RNF43: variants seen among roughly 807,000 people sequenced by gnomAD.
RNF43 encodes the protein ring finger protein 43.
Under a neutral mutation model 78.4 loss-of-function variants are expected in RNF43, and 37 were observed. The observed-to-expected ratio is 0.47, with a 90% CI of 0.36 to 0.62. RNF43 has a LOEUF of 0.62. Among genes scored for constraint, RNF43 ranks in the 20% least tolerant of loss-of-function variants. The pLI is 0.00. For missense variants in RNF43, 774 were observed against 1,007.9 expected, an observed-to-expected ratio of 0.77 and a Z score of 3.14; for synonymous variants, 347 against 395.0, an observed-to-expected ratio of 0.88 and a Z score of 1.44.
chr17:58,389,463 G>T (rs1193100315), intron 2 of RNF43, among the ~76,000 whole-genome samples: 3 of 152,182 alleles, frequency 2.0e-5, no homozygotes, highest in Non-Finnish European at 2.9e-5. Context: ...TGAGTGACAA[G>T]CCTTCTGAAA....
intron 9 of RNF43, among the ~76,000 whole-genome samples, chr17:58,355,763 G>A (rs1482536642): frequency 6.6e-6 from 1 of 152,210 alleles, no homozygotes; most frequent in Non-Finnish European, 1.5e-5. Context: ...GAGGGTAGGT[G>A]AGCAGTGGAG....
intron 2 of RNF43, among the ~76,000 whole-genome samples, chr17:58,377,820 G>A (rs1033781399): frequency 6.6e-6 from 1 of 151,958 alleles, no homozygotes; most frequent in African/African-American, 2.4e-5. Context: ...AAGAACATTG[G>A]CCAGGCATCA....
At chr17:58,368,448 T>C (rs1973000741) in intron 3 of RNF43, among the ~76,000 whole-genome samples, 1 of 152,098 alleles carries the variant, frequency 6.6e-6, no homozygotes, top group Non-Finnish European at 1.5e-5. Flanking sequence ...CTTGGGAGGC[T>C]GAGGTAGAGA....
chr17:58,408,653 G>GT lies in RNF43; in HGVS notation c.252+6672dup, dbSNP rs575838213. On this transcript the variant is annotated intron_variant, in intron 2 of 9. Coordinates refer to ENST00000407977, the MANE Select transcript of RNF43 (RefSeq NM_017763.6). ...GAAATAACAACACACGAGGCTGTTG[G>GT]TAAGTCAGAAGAGTAAAGGAACATA... is the stretch of plus-strand genomic sequence containing the variant. Among the ~76,000 whole-genome samples the GT allele has an allele frequency of 3.3e-5, 5 of 152,260 alleles. No homozygotes were observed. In the South Asian group the frequency reaches 1.0e-3, roughly 32 times the overall value.
chr17:58,378,207 G>T (rs1221598399), intron 2 of RNF43, among the ~76,000 whole-genome samples: 1 of 152,206 alleles, frequency 6.6e-6, no homozygotes, highest in Non-Finnish European at 1.5e-5. Context: ...CACGAATCAA[G>T]TTGGGAGGCT....
Position 58,367,723 on chromosome 17 carries a change from T to C in RNF43, c.375+3188A>G, listed in dbSNP as rs188803991. 8.4e-4 allele frequency among the ~76,000 whole-genome samples: 127 copies of C among 152,066 alleles called. 1 individual carries two copies. Among genetic ancestry groups the C allele is most frequent in the Non-Finnish European group, 2.8e-4 (19 of 67,970 alleles). ...ACTGGACAGAGGGTGGAGGGGATAGTGGGGTGGTGACAAGAATGGAAGCCT... is the reference window on the plus strand; with the variant it reads ...ACTGGACAGAGGGTGGAGGGGATAGCGGGGTGGTGACAAGAATGGAAGCCT... On this transcript the variant is annotated intron_variant, in intron 3 of 9. Coordinates refer to ENST00000407977, the MANE Select transcript of RNF43 (RefSeq NM_017763.6).
rs762590899 is a variant in RNF43, at chr17:58,415,505, A to C, written c.73T>G (p.Phe25Val). 1.9e-6 allele frequency: 3 copies of C among 1,613,082 alleles called. No homozygotes were observed. Among genetic ancestry groups the C allele is most frequent in the Non-Finnish European group, 2.5e-6 (3 of 1,180,022 alleles). ...GCCAGTACCAGTCCTGTGCGTCCAA[A>C]GCCTGCCTGCAGGGTAGCCATCAGC... is the stretch of plus-strand genomic sequence containing the variant. ...WLLMATLQAG[F>V]GRTGLVLAAA... is the part of the protein sequence containing the mutation. Residue 25 changes from phenylalanine to valine, a missense_variant, in exon 2 of 10, where the codon TTT becomes GTT. Phe to Val is a conservative substitution (Grantham distance 50). Transcript: ENST00000407977.
chr17:58,372,326 G>C (rs555161989), intron 2 of RNF43, among the ~76,000 whole-genome samples: 1 of 152,138 alleles, frequency 6.6e-6, no homozygotes, highest in African/African-American at 2.4e-5. Context: ...CTGGGCAGGG[G>C]GTGTTGAGAT....
In RNF43 at chr17:58,357,393, C is replaced by G. The variant is rs76232387; in HGVS notation, c.2308+75G>C. 4.4e-6 allele frequency: 7 copies of G among 1,584,110 alleles called. No homozygotes were observed. In the East Asian group the frequency reaches 1.6e-4, roughly 35 times the overall value. ...TCAGCTTCCATCAACCCTTTGTTGGCTGACTTCACCTGTCCTGAAATATTC... is the reference window on the plus strand; with the variant it reads ...TCAGCTTCCATCAACCCTTTGTTGGGTGACTTCACCTGTCCTGAAATATTC... On this transcript the variant is annotated intron_variant, in intron 9 of 9. Coordinates refer to ENST00000407977, the MANE Select transcript of RNF43 (RefSeq NM_017763.6). This position sits in a 1 kb window ranked among gnomAD's most constrained non-coding sequence, Gnocchi z 4.5.
intron 2 of RNF43, among the ~76,000 whole-genome samples, chr17:58,383,013 T>C (rs1268266179): frequency 6.6e-6 from 1 of 152,198 alleles, no homozygotes; most frequent in Non-Finnish European, 1.5e-5. Context: ...CCCTGCAGTA[T>C]TGACAGAAAG....
At chr17:58,398,294 C>G (rs1487423924) in intron 2 of RNF43, among the ~76,000 whole-genome samples, 3 of 152,178 alleles carry the variant, frequency 2.0e-5, no homozygotes, top group Non-Finnish European at 2.9e-5. Context: ...GTCTACACTA[C>G]AAGGATATCA....
chr17:58,390,631 A>G (rs1197359198), intron 2 of RNF43, among the ~76,000 whole-genome samples: 1 of 152,244 alleles, frequency 6.6e-6, no homozygotes, highest in South Asian at 2.1e-4. Flanking sequence ...TAAGATGCTT[A>G]CAATCAGTTG....
intron 5 of RNF43, 67 bp downstream of exon 5, chr17:58,363,208 G>T (rs2143465014): frequency 6.3e-7 from 1 of 1,583,382 alleles, no homozygotes; most frequent in Non-Finnish European, 8.6e-7. Context: ...AGGGCTTTTG[G>T]TGGGAGTTGC....
chr17:58,384,328 A>G (rs1191733480), intron 2 of RNF43, among the ~76,000 whole-genome samples: 2 of 152,152 alleles, frequency 1.3e-5, no homozygotes, highest in Non-Finnish European at 2.9e-5. Context: ...AAGTACTTAG[A>G]GAGTTAGGGA....
chr17:58,376,553 A>G (rs370161270), intron 2 of RNF43, among the ~76,000 whole-genome samples: 15 of 152,174 alleles, frequency 9.9e-5, no homozygotes, highest in African/African-American at 3.4e-4. Flanking sequence ...ACCTAGCAAG[A>G]AAGACAGCAT....
rs1972760765 is a variant in RNF43, at chr17:58,358,660, A to G, written c.1116T>C (p.Pro372=). 1 of 1,524,832 alleles carries G rather than the reference A, an allele frequency of 6.6e-7. No individual in the cohort carries two copies. Among genetic ancestry groups the G allele is most frequent in the Non-Finnish European group, 8.8e-7 (1 of 1,133,978 alleles). 94.5% of individuals were successfully genotyped at this position (1,524,832 alleles called of 1,614,324 possible). ...SRSAVARPPR[P]GPFLPSQEPG... ...GCTCCTGGGATGGCAGGAAGGGACC[A>G]GGTCGTGGGGGCCGAGCCACTGCAC... Residue 372 remains proline (P), a synonymous_variant, in exon 9 of 10, where the codon CCT becomes CCC. Coordinates refer to ENST00000407977, the MANE Select transcript of RNF43 (RefSeq NM_017763.6). This position sits in a 1 kb window ranked among gnomAD's most constrained non-coding sequence, Gnocchi z 6.2.
intron 3 of RNF43, among the ~76,000 whole-genome samples, chr17:58,365,221 TA>T (rs1005984538): frequency 2.3e-4 from 35 of 152,084 alleles, no homozygotes; most frequent in African/African-American, 8.2e-4. Context: ...CTAACAAGGG[TA>T]AGGGAGAAGT....
At position 58,417,181 on chromosome 17, in the gene RNF43, G is replaced by A. The variant is rs539508092; in HGVS notation, c.-550C>T. On this transcript the variant is annotated 5_prime_UTR_variant, in exon 1 of 10. Coordinates refer to ENST00000407977, the MANE Select transcript of RNF43 (RefSeq NM_017763.6). Reference sequence around the variant, plus strand: ...CAAGTGCCCCATACTACAGGTAGGTGCCGAGAAATTCCGCAGCCTGAAAAA... The same window carrying A: ...CAAGTGCCCCATACTACAGGTAGGTACCGAGAAATTCCGCAGCCTGAAAAA... 39 of 152,366 alleles carry A rather than the reference G, an allele frequency of 2.6e-4. No individual in the cohort carries two copies. Among genetic ancestry groups the A allele is most frequent in the African/African-American group, 9.4e-4 (39 of 41,578 alleles). The allele number at this position is 152,366 out of a possible 1,614,324, so 9.4% of individuals were successfully genotyped here.
rs2143697330 is a variant in RNF43, at chr17:58,415,534, C to T, written c.44G>A (p.Trp15Ter). The change falls in exon 2 of 10, where the codon TGG (tryptophan) becomes TAG (stop). Residue 15 changes from tryptophan to a stop codon, truncating the protein, a stop_gained. Coordinates refer to ENST00000407977, the MANE Select transcript of RNF43 (RefSeq NM_017763.6). LOFTEE classifies it high-confidence loss of function. ...TGCCTGCAGGGTAGCCATCAGCAGC[C>T]AGGGCCAGAGGGCAGCCAGCTGCAG... ...HQLQLAALWP[W>*]LLMATLQAGF... 6.2e-7 allele frequency: 1 copy of T among 1,611,430 alleles called. No homozygotes were observed. Among genetic ancestry groups the T allele is most frequent in the Non-Finnish European group, 8.5e-7 (1 of 1,180,030 alleles).
Sources: gnomAD v4.1 joint callset for allele counts (sites outside exome capture counted in the v4.1 genomes callset) on GRCh38, gnomAD v4.1.1 for gene constraint, Gnocchi (gnomAD v3.1) non-coding constraint, MANE v1.5 for transcripts, NCBI Gene and HGNC (gene_info 2026-07-23, HGNC 2026-07-21) for gene names.